The following PTPRK variants were observed in gnomAD, a reference collection of about 807,000 sequenced individuals.
PTPRK encodes the protein receptor-type tyrosine-protein phosphatase kappa.
In PTPRK, 75 loss-of-function variants were observed where a neutral mutation model predicts 178.0. The observed-to-expected ratio is 0.42, with a 90% CI of 0.35 to 0.51. The LOEUF is 0.51. PTPRK is among the 20% of genes least tolerant of loss of function. The probability of loss-of-function intolerance (pLI) is 0.02; values close to 1 mark genes in which losing one functional copy is unlikely to be tolerated. For missense variants in PTPRK, 1,441 were observed against 1,797.8 expected (o/e 0.80, Z 3.59); for synonymous variants, 637 against 620.6 (o/e 1.03, Z -0.39).
At chr6:128,209,177 A>G (rs368520969) in intron 6 of PTPRK, among the ~76,000 whole-genome samples, 2 of 152,124 alleles carry the variant, frequency 1.3e-5, no homozygotes, top group East Asian at 3.9e-4. Context: ...TTTCCACATC[A>G]TCTGGTATCC....
intron 1 of PTPRK, among the ~76,000 whole-genome samples, chr6:128,516,216 G>A (rs1339311868): frequency 2.6e-5 from 4 of 152,080 alleles, no homozygotes; most frequent in Admixed American, 6.6e-5. Flanking sequence ...AGTGGCAGAG[G>A]GGTTGATTTA....
In PTPRK at chr6:127,997,105, C is replaced by T. The variant is rs756868553; in HGVS notation, c.2680-117G>A. 9 of 965,478 alleles carry T rather than the reference C, an allele frequency of 9.3e-6. No homozygotes were observed. The African/African-American group carries it at 1.5e-4, about 16-fold the overall frequency. 59.8% of individuals were successfully genotyped at this position (965,478 alleles called of 1,614,324 possible). A position where few individuals can be genotyped will look rare whatever the true frequency, so the allele number is the denominator to read the frequency against. The stretch of plus-strand genomic sequence containing the variant: ...TTTCTCAGAGAGGAAAGCAGTCCTA[C>T]AGTAGTAAACAAGTTTCATTCTCAG... On this transcript the variant is annotated intron_variant, in intron 16 of 29. Coordinates refer to ENST00000368226, the MANE Select transcript of PTPRK (RefSeq NM_002844.4).
At position 128,418,284 on chromosome 6, in the gene PTPRK, C is replaced by G. The variant is rs114623087; in HGVS notation, c.101-20596G>C. Among the ~76,000 whole-genome samples, 1,025 of 152,288 alleles carry G rather than the reference C, an allele frequency of 6.7e-3. 13 individuals carry two copies. Among genetic ancestry groups the G allele is most frequent in the African/African-American group, 0.023 (962 of 41,556 alleles). On this transcript the variant is annotated intron_variant, in intron 1 of 29. Coordinates refer to ENST00000368226, the MANE Select transcript of PTPRK (RefSeq NM_002844.4). Reference sequence around the variant, plus strand: ...GTGGCTTGACCTAGAGGTCGCAGTCCTCATTACAAACTTGTTCTGCATGTC... The same window carrying G: ...GTGGCTTGACCTAGAGGTCGCAGTCGTCATTACAAACTTGTTCTGCATGTC...
intron 3 of PTPRK, among the ~76,000 whole-genome samples, chr6:128,273,762 G>C (rs1004661325): frequency 9.9e-5 from 15 of 152,204 alleles, no homozygotes; most frequent in African/African-American, 3.6e-4. Flanking sequence ...TCCAGTAAAG[G>C]ATACATGGAA....
chr6:128,287,619 C>T (rs1252901798), intron 3 of PTPRK, among the ~76,000 whole-genome samples: 1 of 152,114 alleles, frequency 6.6e-6, no homozygotes, highest in East Asian at 1.9e-4. Context: ...CAAACTTTAT[C>T]AAGACAAATC....
intron 6 of PTPRK, among the ~76,000 whole-genome samples, chr6:128,204,913 G>C (rs958858448): frequency 6.6e-6 from 1 of 152,124 alleles, no homozygotes; most frequent in African/African-American, 2.4e-5. Flanking sequence ...CCTCTACTGG[G>C]TATATACCCA....
chr6:128,319,425 G>A (rs758385646), intron 3 of PTPRK, among the ~76,000 whole-genome samples: 22 of 152,138 alleles, frequency 1.4e-4, no homozygotes, highest in Non-Finnish European at 2.2e-4. Flanking sequence ...AAGGGACTTT[G>A]CCTGTGTATC....
At chr6:128,173,810 T>G (rs1800651418) in intron 7 of PTPRK, among the ~76,000 whole-genome samples, 1 of 152,030 alleles carries the variant, frequency 6.6e-6, no homozygotes, top group Non-Finnish European at 1.5e-5. Flanking sequence ...TAGACTGAAG[T>G]AGCAGCCTTC....
chr6:128,084,195 G>C (rs182438885), intron 8 of PTPRK, among the ~76,000 whole-genome samples: 1 of 152,140 alleles, frequency 6.6e-6, no homozygotes, highest in Admixed American at 6.5e-5. Context: ...TTTCCCCAAA[G>C]ATTTTTTTGA....
At chr6:128,337,524 A>G (rs1246572594) in intron 2 of PTPRK, among the ~76,000 whole-genome samples, 2 of 152,168 alleles carry the variant, frequency 1.3e-5, no homozygotes, top group Non-Finnish European at 2.9e-5. Flanking sequence ...CTTAGCTCCT[A>G]TATTATGCCA....
chr6:128,362,109 G>A (rs1369728590), intron 2 of PTPRK, among the ~76,000 whole-genome samples: 1 of 152,168 alleles, frequency 6.6e-6, no homozygotes, highest in Non-Finnish European at 1.5e-5. Flanking sequence ...CTGGTTCACA[G>A]TTCTGCAAGC....
At chr6:128,436,074 T>A (rs111970998) in intron 1 of PTPRK, among the ~76,000 whole-genome samples, 8 of 151,778 alleles carry the variant, frequency 5.3e-5, no homozygotes, top group African/African-American at 1.9e-4. Flanking sequence ...CAACAAAAGA[T>A]ATGAAAAAAA....
chr6:128,471,839 C>A (rs147651392), intron 1 of PTPRK, among the ~76,000 whole-genome samples: 14 of 152,012 alleles, frequency 9.2e-5, no homozygotes, highest in African/African-American at 3.1e-4. Context: ...TATCGTCATG[C>A]TGATTATGGT....
intron 3 of PTPRK, among the ~76,000 whole-genome samples, chr6:128,272,910 G>A (rs540772992): frequency 1.1e-4 from 17 of 152,162 alleles, no homozygotes; most frequent in East Asian, 1.9e-4. Flanking sequence ...ACACGGACAC[G>A]TATGTTTATT....
At chr6:128,216,499 C>A (rs2128269756) in intron 6 of PTPRK, among the ~76,000 whole-genome samples, 1 of 149,736 alleles carries the variant, frequency 6.7e-6, no homozygotes, top group African/African-American at 2.5e-5. Flanking sequence ...CCTGCCACTG[C>A]ATTCCAACCT....
intron 3 of PTPRK, among the ~76,000 whole-genome samples, chr6:128,269,103 A>G (rs1345990146): frequency 6.6e-6 from 1 of 152,024 alleles, no homozygotes; most frequent in African/African-American, 2.4e-5. Context: ...AACAACACAT[A>G]GCATAAATCA....
chr6:128,165,683 A>ATTTT (rs1001068007), intron 7 of PTPRK, among the ~76,000 whole-genome samples: 1 of 151,178 alleles, frequency 6.6e-6, no homozygotes, highest in African/African-American at 2.4e-5. Context: ...TCATAAGATG[A>ATTTT]TTTTTTTTCC....
intron 2 of PTPRK, among the ~76,000 whole-genome samples, chr6:128,392,217 A>C (rs2128365085): frequency 6.6e-6 from 1 of 152,242 alleles, no homozygotes; most frequent in East Asian, 1.9e-4. Flanking sequence ...AGGGAGGAGG[A>C]GTGGTTCCTT....
Position 128,228,698 on chromosome 6 carries a change from A to T in PTPRK, c.694-9602T>A, listed in dbSNP as rs541403833. 1.3e-4 allele frequency among the ~76,000 whole-genome samples: 20 copies of T among 151,404 alleles called. 1 individual carries two copies. The South Asian group carries it at 1.5e-3, about 11-fold the overall frequency. On this transcript the variant is annotated intron_variant, in intron 5 of 29. Coordinates refer to ENST00000368226, the MANE Select transcript of PTPRK (RefSeq NM_002844.4). Reference sequence around the variant, plus strand: ...AGCAAAAACAACAACAACAACAAAAAATTTTCTAAAATAAAAAAAAAGTTT... The same window carrying T: ...AGCAAAAACAACAACAACAACAAAATATTTTCTAAAATAAAAAAAAAGTTT...
Sources: gnomAD v4.1 joint callset for allele counts (sites outside exome capture counted in the v4.1 genomes callset) on GRCh38, gnomAD v4.1.1 for gene constraint, MANE v1.5 for transcripts, NCBI Gene and HGNC (gene_info 2026-07-23, HGNC 2026-07-21) for gene names.